Variants in COL15A1 observed in about 807,000 individuals in gnomAD.
COL15A1 encodes collagen type XV alpha 1 chain.
COL15A1 carries 111 observed loss-of-function variants against 165.9 expected under a neutral mutation model. The observed-to-expected ratio is 0.67, with a 90% confidence interval of 0.57 to 0.78. The LOEUF is 0.78. COL15A1 is among the 30% of genes least tolerant of loss of function. The pLI is 0.00. For missense variants in COL15A1, 1,745 were observed against 1,789.7 expected, an observed-to-expected ratio of 0.98 and a Z score of 0.45; for synonymous variants, 659 against 674.8, an observed-to-expected ratio of 0.98 and a Z score of 0.36.
chr9:99,025,717 G>A lies in COL15A1; in HGVS notation c.1981-187G>A, dbSNP rs775034058. The stretch of plus-strand genomic sequence containing the variant: ...TAATCCAGAGAGTGAAGGACAGTTA[G>A]CCACAGGTGCACAGTCAGCAGTGAC... On this transcript the variant is annotated intron_variant, in intron 15 of 41. Coordinates refer to ENST00000375001, the MANE Select transcript of COL15A1 (RefSeq NM_001855.5). Among the ~76,000 whole-genome samples, 25 of 152,312 alleles carry A rather than the reference G, an allele frequency of 1.6e-4. 1 individual carries two copies. Among genetic ancestry groups the A allele is most frequent in the Middle Eastern group, 3.4e-3 (1 of 294 alleles).
Position 99,069,880 on chromosome 9 carries a change from G to T in COL15A1, c.4161G>T (p.Arg1387Ser), listed in dbSNP as rs1323129425. Residue 1387 changes from arginine to serine, a missense_variant, in exon 42 of 42, where the codon AGG becomes AGT. Physicochemically the swap from Arg to Ser is moderately radical, Grantham distance 110. Coordinates refer to ENST00000375001, the MANE Select transcript of COL15A1 (RefSeq NM_001855.5). ...CIENSFMTDA[R>S]K ...AAAACAGTTTCATGACAGACGCTAG[G>T]AAGTAATGGCCTTCTGATGATTCTT... The T allele has an allele frequency of 6.2e-7, 1 of 1,607,610 alleles. No homozygotes were observed. Among genetic ancestry groups the T allele is most frequent in the Non-Finnish European group, 8.5e-7 (1 of 1,174,578 alleles).
chr9:99,056,131 A>G lies in COL15A1; in HGVS notation c.3193-129A>G, dbSNP rs1178775275. The G allele has an allele frequency of 3.9e-6, 4 of 1,013,912 alleles. No individual in the cohort carries two copies. In the East Asian group the frequency reaches 7.2e-5, roughly 18 times the overall value. 62.8% of individuals were successfully genotyped at this position (1,013,912 alleles called of 1,614,324 possible). On this transcript the variant is annotated intron_variant, in intron 34 of 41. Coordinates refer to ENST00000375001, the MANE Select transcript of COL15A1 (RefSeq NM_001855.5). ...CTTACCCCACCTTGAATTGTGCCCAAGATTGAGGATAGTAATAACAATAGC... is the reference window on the plus strand; with the variant it reads ...CTTACCCCACCTTGAATTGTGCCCAGGATTGAGGATAGTAATAACAATAGC...
At chr9:99,042,413 C>T (rs57927784) in intron 24 of COL15A1, among the ~76,000 whole-genome samples, 1,747 of 152,216 alleles carry the variant, frequency 0.011, 33 homozygotes, top group African/African-American at 0.04. Flanking sequence ...CGAGAAGGTA[C>T]GAAGTGGGTA....
At chr9:99,003,397 CA>C in intron 7 of COL15A1, 55 bp from the exon 8 acceptor site, 2 of 1,367,578 alleles carry the variant, frequency 1.5e-6, no homozygotes, top group Non-Finnish European at 1.9e-6. Flanking sequence ...TCACCAGCCA[CA>C]GGCATGTTGA....
At chr9:99,023,302 T>C in intron 13 of COL15A1, 55 bp from the exon 14 acceptor site, 1 of 1,539,616 alleles carries the variant, frequency 6.5e-7, no homozygotes, top group South Asian at 1.2e-5. Flanking sequence ...GTGACGTGGC[T>C]GTCCTTGGAG....
Position 98,975,770 on chromosome 9 carries a change from T to G in COL15A1, c.101-9795T>G, listed in dbSNP as rs1588498213. ...GAGGCTCAGGTTGTCTCTCCCTGTG[T>G]CCGTTCCTTCACAGCATCCCCTTGG... On this transcript the variant is annotated intron_variant, in intron 2 of 41. Transcript: ENST00000375001. Among the ~76,000 whole-genome samples the G allele has an allele frequency of 2.0e-5, 3 of 152,374 alleles. No homozygotes were observed. The South Asian group carries it at 6.2e-4, about 32-fold the overall frequency.
chr9:99,048,415 C>T (rs1353679928), intron 28 of COL15A1, among the ~76,000 whole-genome samples: 1 of 152,150 alleles, frequency 6.6e-6, no homozygotes, highest in Non-Finnish European at 1.5e-5. Flanking sequence ...TTAGGTGGGG[C>T]CTCCCAGGTT....
Position 99,070,008 on chromosome 9 carries a change from A to G in COL15A1, c.*122A>G. On this transcript the variant is annotated 3_prime_UTR_variant, in exon 42 of 42. Transcript: ENST00000375001. Reference sequence around the variant, plus strand: ...TTTTTTTTTTTACTACATATTCTTTACAACAGCAACCAAAGAAAACATACC... The same window carrying G: ...TTTTTTTTTTTACTACATATTCTTTGCAACAGCAACCAAAGAAAACATACC... 1.3e-6 allele frequency: 1 copy of G among 758,358 alleles called. No individual in the cohort carries two copies. Among genetic ancestry groups the G allele is most frequent in the South Asian group, 2.0e-5 (1 of 50,986 alleles). The allele number at this position is 758,358 out of a possible 1,614,324, so 47.0% of individuals were successfully genotyped here.
intron 30 of COL15A1, among the ~76,000 whole-genome samples, chr9:99,051,188 T>G (rs1380282618): frequency 6.6e-6 from 1 of 152,104 alleles, no homozygotes; most frequent in Non-Finnish European, 1.5e-5. Flanking sequence ...CTAACTAACA[T>G]GATTTCAGGC....
rs768302859 is a variant in COL15A1, at chr9:98,985,596, G to A, written c.132G>A (p.Thr44=). 2.5e-6 allele frequency: 4 copies of A among 1,613,798 alleles called. No homozygotes were observed. The highest frequency in any genetic ancestry group is 1.1e-5 in the South Asian group (1 of 91,084). The change falls in exon 3 of 42, where the codon ACG becomes ACA. Residue 44 remains threonine, a synonymous_variant. Transcript: ENST00000375001. ...ETASQGHLDL[T]QLIGVPLPSS... ...CTTCCCAGGGTCACCTGGACCTCAC[G>A]CAGCTCATCGGTGTCCCGCTGCCCT...
intron 2 of COL15A1, among the ~76,000 whole-genome samples, chr9:98,947,047 A>G (rs1014815711): frequency 6.6e-6 from 1 of 152,248 alleles, no homozygotes; most frequent in Non-Finnish European, 1.5e-5. Context: ...ACTCCTAAGT[A>G]TCTACTTAAG....
At position 99,035,079 on chromosome 9, in the gene COL15A1, G is replaced by A. The variant is rs1292907152; in HGVS notation, c.2145G>A (p.Gly715=). 6.2e-6 allele frequency: 10 copies of A among 1,610,150 alleles called. No homozygotes were observed. Among genetic ancestry groups the A allele is most frequent in the South Asian group, 2.2e-5 (2 of 91,012 alleles). ...AAAAGGGACAAGCTGGCCCTCCTGG[G>A]GTCATGGGACCCCCAGGGCCTCCTG... ...PGKKGQAGPP[G]VMGPPGPPGP... is the part of the protein sequence containing the mutation. Residue 715 remains glycine (G), a synonymous_variant, in exon 18 of 42, where the codon GGG becomes GGA. Transcript: ENST00000375001.
intron 2 of COL15A1, among the ~76,000 whole-genome samples, chr9:98,950,005 T>A (rs981814921): frequency 6.6e-6 from 1 of 152,256 alleles, no homozygotes; most frequent in Admixed American, 6.5e-5. Flanking sequence ...TCATGTTGTA[T>A]CATGTGTCAG....
In COL15A1 at chr9:98,987,222, A is replaced by ATCATGTCTTCCACTC; in HGVS notation, c.649-72_649-71insTCATGTCTTCCACTC. On this transcript the variant is annotated intron_variant, in intron 3 of 41. Coordinates refer to ENST00000375001, the MANE Select transcript of COL15A1 (RefSeq NM_001855.5). ...ACCTGTTCGTCTCCATTGCCAAAAC[A>ATCATGTCTTCCACTC]ATCATGTCTTCCACTGGCAGTCATG... The ATCATGTCTTCCACTC allele has an allele frequency of 2.8e-6, 4 of 1,450,806 alleles. No homozygotes were observed. In the Admixed American group the frequency reaches 7.0e-5, roughly 26 times the overall value. The allele number at this position is 1,450,806 out of a possible 1,614,324, so 89.9% of individuals were successfully genotyped here.
rs374842979 is a variant in COL15A1, at chr9:99,069,768, C to T, written c.4049C>T (p.Thr1350Met). 4.6e-5 allele frequency: 74 copies of T among 1,614,212 alleles called. No individual in the cohort carries two copies. Among genetic ancestry groups the T allele is most frequent in the Middle Eastern group, 1.6e-4 (1 of 6,062 alleles). Residue 1350 changes from threonine (T) to methionine (M), a missense_variant, in exon 42 of 42, where the codon ACG becomes ATG. Coordinates refer to ENST00000375001, the MANE Select transcript of COL15A1 (RefSeq NM_001855.5). Reference sequence around the variant, plus strand: ...TGGCGAACCGCGGACACAGCGGTCACGGGACTTGCCTCCCCGCTGAGCACG... The same window carrying T: ...TGGCGAACCGCGGACACAGCGGTCATGGGACTTGCCTCCCCGCTGAGCACG... ...EAWRTADTAV[T>M]GLASPLSTGK...
At chr9:98,968,325 A>T (rs1035967154) in intron 2 of COL15A1, among the ~76,000 whole-genome samples, 1 of 152,230 alleles carries the variant, frequency 6.6e-6, no homozygotes, top group African/African-American at 2.4e-5. Flanking sequence ...GGCTTAAAAC[A>T]GTAGTAACTT....
At chr9:99,036,631 A>G (rs1839306564) in intron 21 of COL15A1, among the ~76,000 whole-genome samples, 1 of 152,222 alleles carries the variant, frequency 6.6e-6, no homozygotes, top group African/African-American at 2.4e-5. Flanking sequence ...TCAATTGAAA[A>G]AACAGGCTAG....
At chr9:99,006,647 C>T (rs1332488547) in intron 9 of COL15A1, among the ~76,000 whole-genome samples, 1 of 150,944 alleles carries the variant, frequency 6.6e-6, no homozygotes, top group East Asian at 2.0e-4. Flanking sequence ...TTCCAGTTGC[C>T]CTTTCCTTTC....
At chr9:99,005,260 G>C (rs964845288) in intron 9 of COL15A1, among the ~76,000 whole-genome samples, 1 of 152,148 alleles carries the variant, frequency 6.6e-6, no homozygotes, top group East Asian at 1.9e-4. Flanking sequence ...CCTGGGGATG[G>C]GTGAGTTGCA....
Sources: allele counts gnomAD v4.1 joint callset (sites outside exome capture counted in the v4.1 genomes callset), GRCh38; gene constraint gnomAD v4.1.1; transcripts MANE v1.5; gene names NCBI Gene and HGNC (gene_info 2026-07-23, HGNC 2026-07-21).